AKAP13: variants seen among roughly 807,000 people sequenced by gnomAD.
The protein encoded by AKAP13 is A-kinase anchor protein 13.
In AKAP13, 80 loss-of-function variants were observed where a neutral mutation model predicts 264.5. The observed-to-expected ratio is 0.30, with a 90% CI of 0.25 to 0.36. AKAP13 has a LOEUF of 0.36. AKAP13 is among the 10% of genes least tolerant of loss of function. AKAP13 has a pLI of 1.00. For missense variants in AKAP13, 3,712 were observed against 3,435.2 expected (o/e 1.08, Z -2.01); for synonymous variants, 1,380 against 1,250.2 (o/e 1.10, Z -2.19).
At chr15:85,433,694 C>T (rs1293273283) in intron 1 of AKAP13, among the ~76,000 whole-genome samples, 2 of 152,044 alleles carry the variant, frequency 1.3e-5, no homozygotes, top group Non-Finnish European at 2.9e-5. Flanking sequence ...TGGTGGCTCA[C>T]GCTTGTAATC....
chr15:85,685,674 T>G (rs1013001283), intron 16 of AKAP13, among the ~76,000 whole-genome samples: 1 of 152,198 alleles, frequency 6.6e-6, no homozygotes, highest in Non-Finnish European at 1.5e-5. Context: ...TAAATTTGTT[T>G]GTAAAGATGA....
intron 1 of AKAP13, among the ~76,000 whole-genome samples, chr15:85,425,562 A>G (rs2072737166): frequency 6.6e-6 from 1 of 152,072 alleles, no homozygotes; most frequent in African/African-American, 2.4e-5. Context: ...CCAAAAATAT[A>G]AAAAATCAGC....
Position 85,741,278 on chromosome 15 carries a change from A to T in AKAP13, c.7841A>T (p.Glu2614Val). The T allele has an allele frequency of 6.2e-7, 1 of 1,610,470 alleles. No individual in the cohort carries two copies. The change falls in exon 35 of 37, where the codon GAG becomes GTG. Residue 2614 changes from glutamate to valine, a missense_variant. By Grantham distance (121) the Glu-to-Val change is moderately radical (BLOSUM62 -2). This residue lies in a region of AKAP13 where 611 missense variants were observed against 539.3 expected (regional missense o/e 1.13). Coordinates refer to ENST00000394518, the MANE Select transcript of AKAP13 (RefSeq NM_007200.5). ...EWEARERELR[E>V]REALLAQREE... is the part of the protein sequence containing the mutation. ...GAAGCTCGTGAGAGGGAGCTGCGGGAGCGGGAGGCCCTCCTGGCCCAGCGC... is the reference window on the plus strand; with the variant it reads ...GAAGCTCGTGAGAGGGAGCTGCGGGTGCGGGAGGCCCTCCTGGCCCAGCGC...
chr15:85,717,332 G>A lies in AKAP13; in HGVS notation c.5778G>A (p.Leu1926=), dbSNP rs760231193. ...ACATGTCAAACACCTGGAAATTCCT[G>A]TCTCATTCAACAGACTCACTAAATA... ...DENMSNTWKF[L]SHSTDSLNKI... The change falls in exon 21 of 37, where the codon CTG becomes CTA. Residue 1926 remains leucine, a synonymous_variant. Coordinates refer to ENST00000394518, the MANE Select transcript of AKAP13 (RefSeq NM_007200.5). 1.9e-6 allele frequency: 3 copies of A among 1,612,314 alleles called. No homozygotes were observed. Among genetic ancestry groups the A allele is most frequent in the East Asian group, 2.2e-5 (1 of 44,864 alleles).
rs35179524 is a variant in AKAP13 at position 85,521,059 on chromosome 15, C to A, written c.34-369C>A. 2.6e-5 allele frequency among the ~76,000 whole-genome samples: 4 copies of A among 152,036 alleles called. No homozygotes were observed. In the East Asian group the frequency reaches 5.8e-4, roughly 22 times the overall value. On this transcript the variant is annotated intron_variant, in intron 2 of 36. Transcript: ENST00000394518. ...AAGGATGTGATCATTTATTATACCC[C>A]CTCCATCCTCTCTGCCTTATTTTTG...
intron 5 of AKAP13, among the ~76,000 whole-genome samples, chr15:85,552,024 G>A (rs952461345): frequency 3.3e-5 from 5 of 152,208 alleles, no homozygotes; most frequent in Non-Finnish European, 5.9e-5. Flanking sequence ...AAAACTAGGT[G>A]TGTTGAATAA....
At chr15:85,555,840 C>T (rs560763734) in intron 5 of AKAP13, among the ~76,000 whole-genome samples, 1 of 152,184 alleles carries the variant, frequency 6.6e-6, no homozygotes, top group Non-Finnish European at 1.5e-5. Context: ...AAACTGTGGA[C>T]ACTTGGTTTG....
chr15:85,676,216 A>G (rs2084220317), intron 14 of AKAP13, among the ~76,000 whole-genome samples: 1 of 152,162 alleles, frequency 6.6e-6, no homozygotes, highest in Non-Finnish European at 1.5e-5. Flanking sequence ...CAGCCAGTAG[A>G]AGGCTTTTGC....
chr15:85,442,423 A>ATATAT lies in AKAP13; in HGVS notation c.-11-43287_-11-43286insTATAT, dbSNP rs55699718. ...AGATTCTGTCTCAAAAAAAAAAAAA[A>ATATAT]ATATATATATATATAATATAAAATA... On this transcript the variant is annotated intron_variant, in intron 1 of 36. Transcript: ENST00000394518. Among the ~76,000 whole-genome samples the ATATAT allele has an allele frequency of 1.6e-3, 169 of 105,910 alleles. 6 individuals carry two copies. The highest frequency in any genetic ancestry group is 4.6e-3 in the Middle Eastern group (1 of 218). The allele number at this position is 105,910 out of a possible 152,430, so 69.5% of individuals were successfully genotyped here. A position where few individuals can be genotyped will look rare whatever the true frequency, so the allele number is the denominator to read the frequency against.
chr15:85,673,717 C>T (rs2084055658), intron 14 of AKAP13, among the ~76,000 whole-genome samples: 1 of 89,220 alleles, frequency 1.1e-5, no homozygotes, highest in Admixed American at 1.9e-4. Flanking sequence ...GAATCTTGCT[C>T]TGTTGTTGCC....
At chr15:85,740,347 TC>T in intron 34 of AKAP13, 75 bp downstream of exon 34, 3 of 1,552,216 alleles carry the variant, frequency 1.9e-6, no homozygotes, top group Non-Finnish European at 2.7e-6. Flanking sequence ...TTGACTTGGA[TC>T]TTTGAGGTTT....
In AKAP13 at chr15:85,581,453, G is replaced by A. The variant is rs779149455; in HGVS notation, c.3385G>A (p.Val1129Ile). The A allele has an allele frequency of 4.4e-5, 71 of 1,614,056 alleles. No individual in the cohort carries two copies. In the East Asian group the frequency reaches 6.9e-4, roughly 16 times the overall value. ...NVLLSQEKNA[V>I]LGLPVALQDK... ...CTTGTTGAGCCAAGAGAAGAATGCC[G>A]TTCTAGGTTTGCCAGTGGCTCTACA... The change falls in exon 7 of 37, where the codon GTT becomes ATT. Residue 1129 changes from valine (V) to isoleucine (I), a missense_variant. Physicochemically the swap from Val to Ile is conservative, Grantham distance 29 (BLOSUM62 3). Around this residue, in one of 3 missense-constraint regions of AKAP13, gnomAD observed 2,759 missense variants for 2,411.7 expected, o/e 1.14. Transcript: ENST00000394518.
At chr15:85,485,873 T>TATGGTGTAAGACACTTC in intron 2 of AKAP13, 120 bp downstream of exon 2, 1 of 799,914 alleles carries the variant, frequency 1.3e-6, no homozygotes, top group Non-Finnish European at 2.1e-6. Context: ...TGTCCATGAA[T>TATGGTGTAAGACACTTC]ATATTGGTGT....
chr15:85,604,441 C>T (rs1167254774), intron 8 of AKAP13, among the ~76,000 whole-genome samples: 4 of 148,376 alleles, frequency 2.7e-5, no homozygotes, highest in Non-Finnish European at 5.9e-5. Flanking sequence ...GAAATGGAAC[C>T]AATCAAAAGC....
intron 3 of AKAP13, among the ~76,000 whole-genome samples, chr15:85,522,088 A>G (rs770537711): frequency 5.9e-5 from 9 of 152,146 alleles, no homozygotes; most frequent in South Asian, 2.1e-4. Context: ...CTTTTCTGGA[A>G]CTTGAGGTCT....
intron 2 of AKAP13, among the ~76,000 whole-genome samples, chr15:85,488,725 A>T (rs1219114347): frequency 6.6e-6 from 1 of 152,234 alleles, no homozygotes; most frequent in Admixed American, 6.5e-5. Context: ...GAGCTACGGA[A>T]TGCAGCTCTA....
intron 17 of AKAP13, among the ~76,000 whole-genome samples, chr15:85,697,568 C>T (rs915321136): frequency 6.6e-6 from 1 of 151,192 alleles, no homozygotes; most frequent in Non-Finnish European, 1.5e-5. Flanking sequence ...GACTCCATCT[C>T]AAAAAAAGAA....
chr15:85,417,434 T>A (rs745431544), intron 1 of AKAP13, among the ~76,000 whole-genome samples: 1 of 152,192 alleles, frequency 6.6e-6, no homozygotes, highest in East Asian at 1.9e-4. Flanking sequence ...TTAGAAAATA[T>A]TCGTTTATGT....
At chr15:85,589,323 CTG>C (rs1473591875) in intron 8 of AKAP13, among the ~76,000 whole-genome samples, 1 of 152,016 alleles carries the variant, frequency 6.6e-6, no homozygotes, top group Non-Finnish European at 1.5e-5. Context: ...ATGAAAGTGT[CTG>C]TAGCTAGTAT....
Sources: gnomAD v4.1 joint callset for allele counts (sites outside exome capture counted in the v4.1 genomes callset) on GRCh38, gnomAD v4.1.1 for gene constraint, gnomAD v4.1.1 regional missense constraint, MANE v1.5 for transcripts, NCBI Gene and HGNC (gene_info 2026-07-23, HGNC 2026-07-21) for gene names.